ADGRV1: variants seen among roughly 807,000 people sequenced by gnomAD.
The protein encoded by ADGRV1 is G-protein coupled receptor 98.
A neutral mutation model predicts 596.2 loss-of-function variants in ADGRV1; 359 were observed. The ratio of observed to expected loss-of-function variants is 0.60; its 90% CI spans 0.55 to 0.66. ADGRV1 has a LOEUF of 0.66. Ranked by LOEUF, ADGRV1 falls within the 30% of genes least tolerant of loss-of-function variation. The probability of loss-of-function intolerance (pLI) is 0.00; values close to 1 mark genes in which losing one functional copy is unlikely to be tolerated. For synonymous variants in ADGRV1, 2,681 were observed against 2,679.2 expected (o/e 1.00, Z -0.02); for missense variants, 7,274 against 7,575.6 (o/e 0.96, Z 1.48).
At chr5:90,828,002 C>T (rs1326688270) in intron 76 of ADGRV1, among the ~76,000 whole-genome samples, 1 of 152,036 alleles carries the variant, frequency 6.6e-6, no homozygotes, top group Non-Finnish European at 1.5e-5. Flanking sequence ...CAGCTTAGCT[C>T]CTTTGAGTTA....
chr5:90,755,028 T>A lies in ADGRV1; in HGVS notation c.11423T>A (p.Leu3808Gln), dbSNP rs368368243. The change falls in exon 55 of 90, where the codon CTA (leucine) becomes CAA (glutamine). Residue 3808 changes from leucine (L) to glutamine (Q), a missense_variant. By Grantham distance (113) the Leu-to-Gln change is moderately radical. Around this residue, in one of 5 missense-constraint regions of ADGRV1, gnomAD observed 3,643 missense variants for 3,809.2 expected, o/e 0.96. Transcript: ENST00000405460. Reference protein sequence around the residue: ...LQLQIARDKGLLGDIAIHLRA... With the variant: ...LQLQIARDKGQLGDIAIHLRA... ...TTACAAATAGCTCGAGATAAAGGAC[T>A]ACTTGGGGATATTGCCATTCACTTG... 9.3e-6 allele frequency: 15 copies of A among 1,613,386 alleles called. No individual in the cohort carries two copies. The highest frequency in any genetic ancestry group is 1.3e-5 in the Non-Finnish European group (15 of 1,179,382).
chr5:91,096,494 T>C (rs1790879345), intron 86 of ADGRV1, among the ~76,000 whole-genome samples: 1 of 152,266 alleles, frequency 6.6e-6, no homozygotes, highest in Non-Finnish European at 1.5e-5. Flanking sequence ...TTGTTGTTGT[T>C]GTTTGTTTTG....
chr5:90,677,041 A>G (rs1744319705), intron 25 of ADGRV1, among the ~76,000 whole-genome samples: 1 of 152,206 alleles, frequency 6.6e-6, no homozygotes, highest in Non-Finnish European at 1.5e-5. Context: ...TGGAATACAT[A>G]CGATATGCAT....
At chr5:90,636,127 G>T (rs571195526) in intron 10 of ADGRV1, among the ~76,000 whole-genome samples, 1 of 151,848 alleles carries the variant, frequency 6.6e-6, no homozygotes, top group Admixed American at 6.6e-5. Flanking sequence ...CATACAAAAC[G>T]TTCACATGCA....
intron 83 of ADGRV1, among the ~76,000 whole-genome samples, chr5:90,895,729 A>T (rs781488163): frequency 6.6e-6 from 1 of 152,172 alleles, no homozygotes; most frequent in Non-Finnish European, 1.5e-5. Flanking sequence ...AATAGCTTCT[A>T]ATTTGCTGGT....
intron 83 of ADGRV1, among the ~76,000 whole-genome samples, chr5:90,894,648 C>A (rs1030645225): frequency 6.6e-6 from 1 of 152,186 alleles, no homozygotes; most frequent in African/African-American, 2.4e-5. Flanking sequence ...TTCCCAGACT[C>A]CAGTGAGTTC....
At chr5:90,978,378 A>G (rs1779804010) in intron 84 of ADGRV1, among the ~76,000 whole-genome samples, 1 of 151,998 alleles carries the variant, frequency 6.6e-6, no homozygotes, top group Non-Finnish European at 1.5e-5. Context: ...TTCACTTTTC[A>G]CCAGTTAACT....
chr5:91,010,595 A>G (rs1782643701), intron 85 of ADGRV1, among the ~76,000 whole-genome samples: 1 of 152,098 alleles, frequency 6.6e-6, no homozygotes, highest in South Asian at 2.1e-4. Flanking sequence ...GGAAATGAGT[A>G]CTTTAAATGA....
At chr5:91,086,806 C>T (rs1210252544) in intron 86 of ADGRV1, among the ~76,000 whole-genome samples, 3 of 152,196 alleles carry the variant, frequency 2.0e-5, no homozygotes, top group Non-Finnish European at 4.4e-5. Context: ...ATTCTCTCCA[C>T]CAACCTATTT....
At chr5:91,081,521 C>T (rs1422888209) in intron 86 of ADGRV1, among the ~76,000 whole-genome samples, 7 of 152,158 alleles carry the variant, frequency 4.6e-5, no homozygotes, top group Admixed American at 6.5e-5. Context: ...TGGTGACTCA[C>T]GCCCGTAATC....
intron 1 of ADGRV1, among the ~76,000 whole-genome samples, chr5:90,580,233 A>T (rs6888809): frequency 0.089 from 13,617 of 152,214 alleles, 1,916 homozygotes; most frequent in African/African-American, 0.31. Context: ...TTGGCATGTG[A>T]TTGCAGTGGC....
Position 90,573,477 on chromosome 5 carries a change from A to G in ADGRV1, c.22+14560A>G, listed in dbSNP as rs1446207221. Among the ~76,000 whole-genome samples the G allele has an allele frequency of 2.0e-5, 3 of 152,180 alleles. No individual in the cohort carries two copies. The East Asian group carries it at 5.8e-4, about 29-fold the overall frequency. ...CTCCTAGGCTAAAAACCTGTACAGC[A>G]TGCTACTGTATTGAATACTGTAGGT... is the stretch of plus-strand genomic sequence containing the variant. On this transcript the variant is annotated intron_variant, in intron 1 of 89. Transcript: ENST00000405460.
chr5:90,964,778 C>T (rs1778312719), intron 83 of ADGRV1, among the ~76,000 whole-genome samples: 1 of 146,380 alleles, frequency 6.8e-6, no homozygotes, highest in African/African-American at 2.6e-5. Flanking sequence ...GTGATGTGTG[C>T]TGGTTAAAAA....
Position 90,685,961 on chromosome 5 carries a change from GA to G in ADGRV1, c.6458del (p.Lys2153SerfsTer7), listed in dbSNP as rs2149595531. The G allele has an allele frequency of 5.6e-6, 9 of 1,599,872 alleles. No homozygotes were observed. The highest frequency in any genetic ancestry group is 7.7e-6 in the Non-Finnish European group (9 of 1,171,442). ...TGGAFADVSV[K>X]FKAVPITAIA... is the part of the protein sequence containing the mutation. ...GAGGAGCATTTGCAGATGTCTCTGT[GA>G]AGTTTAAAGCTGTGCCAATAACTGC... On this transcript the variant is annotated frameshift_variant, in exon 29 of 90. Transcript: ENST00000405460. LOFTEE classifies it high-confidence loss of function.
At chr5:90,652,709 A>G in intron 19 of ADGRV1, 146 bp downstream of exon 19, 1 of 602,026 alleles carries the variant, frequency 1.7e-6, no homozygotes, top group Non-Finnish European at 2.8e-6. Flanking sequence ...ATGTTAAAAT[A>G]CCCTTCTTGT....
chr5:90,649,793 A>G (rs1768327734), intron 17 of ADGRV1, among the ~76,000 whole-genome samples: 2 of 152,174 alleles, frequency 1.3e-5, no homozygotes, highest in African/African-American at 4.8e-5. Context: ...CTAGCCAGAA[A>G]TTGACGCTTG....
chr5:90,664,728 C>A (rs1771002494), intron 21 of ADGRV1, among the ~76,000 whole-genome samples: 1 of 129,886 alleles, frequency 7.7e-6, no homozygotes, highest in African/African-American at 3.1e-5. Flanking sequence ...TTTGCCCATT[C>A]AGTATGATAT....
At chr5:90,777,076 G>A (rs940384275) in intron 61 of ADGRV1, among the ~76,000 whole-genome samples, 2 of 152,096 alleles carry the variant, frequency 1.3e-5, no homozygotes, top group African/African-American at 4.8e-5. Flanking sequence ...AGGTTTAATT[G>A]GTTCAAGGTT....
chr5:91,081,422 T>C (rs1287977348), intron 86 of ADGRV1, among the ~76,000 whole-genome samples: 1 of 152,100 alleles, frequency 6.6e-6, no homozygotes, highest in Non-Finnish European at 1.5e-5. Flanking sequence ...CACTGAAGCA[T>C]TCTAAAAAGC....
Sources: allele counts gnomAD v4.1 joint callset (sites outside exome capture counted in the v4.1 genomes callset), GRCh38; gene constraint gnomAD v4.1.1; regional missense constraint gnomAD v4.1.1; transcripts MANE v1.5; gene names NCBI Gene and HGNC (gene_info 2026-07-23, HGNC 2026-07-21).